Variants in SLC25A24 observed in about 807,000 individuals in gnomAD.
SLC25A24 encodes the protein mitochondrial adenyl nucleotide antiporter SLC25A24.
SLC25A24 carries 49 observed loss-of-function variants against 60.7 expected under a neutral mutation model. The observed-to-expected ratio is 0.81, with a 90% CI of 0.64 to 1.02. The LOEUF (loss-of-function observed/expected upper bound fraction) is 1.02. SLC25A24 is among the 50% of genes least tolerant of loss of function. SLC25A24 has a pLI of 0.00. For synonymous variants in SLC25A24, 202 were observed against 200.6 expected (o/e 1.01, Z -0.06); for missense variants, 564 against 586.3 (o/e 0.96, Z 0.39).
chr1:108,195,543 T>C (rs566480597), intron 1 of SLC25A24, among the ~76,000 whole-genome samples: 1 of 152,310 alleles, frequency 6.6e-6, no homozygotes, highest in South Asian at 2.1e-4. Context: ...AAGATACAGA[T>C]TTTATATATT....
At chr1:108,150,504 T>C (rs1387248815) in intron 6 of SLC25A24, among the ~76,000 whole-genome samples, 3 of 152,186 alleles carry the variant, frequency 2.0e-5, no homozygotes, top group Non-Finnish European at 2.9e-5. Flanking sequence ...AGACTAACCA[T>C]TTTGATCTTC....
intron 8 of SLC25A24, among the ~76,000 whole-genome samples, chr1:108,139,897 C>A (rs1679398727): frequency 6.6e-6 from 1 of 152,100 alleles, no homozygotes; most frequent in South Asian, 2.1e-4. Context: ...TAGGCATGAG[C>A]CACCACACCA....
chr1:108,139,107 C>CT lies in SLC25A24; in HGVS notation c.1199dup (p.Leu401AlafsTer66), dbSNP rs1481095090. 6.2e-7 allele frequency: 1 copy of CT among 1,609,408 alleles called. No individual in the cohort carries two copies. The highest frequency in any genetic ancestry group is 8.5e-7 in the Non-Finnish European group (1 of 1,177,884). On this transcript the variant is annotated frameshift_variant, in exon 9 of 10. Transcript: ENST00000565488. LOFTEE classifies it high-confidence loss of function. Reference sequence around the variant, plus strand: ...CCAAAGCCAATGGGTAGCTGGCCAGCTGACCACAGGTGCTGGATAAGGCAC... The same window carrying CT: ...CCAAAGCCAATGGGTAGCTGGCCAGCTTGACCACAGGTGCTGGATAAGGCAC...
intron 3 of SLC25A24, among the ~76,000 whole-genome samples, chr1:108,178,169 C>CAAT (rs1647763630): frequency 6.6e-6 from 1 of 151,346 alleles, no homozygotes; most frequent in African/African-American, 2.4e-5. Context: ...TCAAAAACAA[C>CAAT]AACAACAACA....
intron 4 of SLC25A24, among the ~76,000 whole-genome samples, chr1:108,160,781 C>A (rs1486770476): frequency 6.6e-6 from 1 of 152,218 alleles, no homozygotes; most frequent in Non-Finnish European, 1.5e-5. Context: ...AACCCCGTCT[C>A]CACCAAAAAA....
At position 108,135,292 on chromosome 1, in the gene SLC25A24, A is replaced by G. The variant is rs1679252085; in HGVS notation, c.*1361T>C. On this transcript the variant is annotated 3_prime_UTR_variant, in exon 10 of 10. Transcript: ENST00000565488. Reference sequence around the variant, plus strand: ...TTCTCTTTGGTTCAGAAAATAAAAGAGGTAGGTTCAAATAAAGAAAATGCC... The same window carrying G: ...TTCTCTTTGGTTCAGAAAATAAAAGGGGTAGGTTCAAATAAAGAAAATGCC... The G allele has an allele frequency of 6.6e-6, 1 of 152,600 alleles. No homozygotes were observed. Among genetic ancestry groups the G allele is most frequent in the Non-Finnish European group, 1.5e-5 (1 of 68,008 alleles). The allele number at this position is 152,600 out of a possible 1,614,324, so 9.5% of individuals were successfully genotyped here.
chr1:108,170,671 T>A (rs1186863913), intron 3 of SLC25A24, among the ~76,000 whole-genome samples: 1 of 152,002 alleles, frequency 6.6e-6, no homozygotes, highest in African/African-American at 2.4e-5. Flanking sequence ...TCTATTTTTA[T>A]TAATGTTTTT....
chr1:108,138,353 T>C (rs1337518427), intron 9 of SLC25A24, among the ~76,000 whole-genome samples: 2 of 152,164 alleles, frequency 1.3e-5, no homozygotes, highest in African/African-American at 4.8e-5. Flanking sequence ...GAGCTGTAGA[T>C]GCCCAAGGTG....
chr1:108,154,767 T>C (rs1040389097), intron 6 of SLC25A24, among the ~76,000 whole-genome samples: 2 of 152,166 alleles, frequency 1.3e-5, no homozygotes, highest in African/African-American at 2.4e-5. Flanking sequence ...AAAAACTTTA[T>C]AAATAATATG....
Position 108,161,217 on chromosome 1 carries a change from T to A in SLC25A24, c.475A>T (p.Ile159Phe), listed in dbSNP as rs775501491. The A allele has an allele frequency of 5.0e-6, 8 of 1,593,674 alleles. No homozygotes were observed. The East Asian group carries it at 1.8e-4, about 36-fold the overall frequency. Residue 159 changes from isoleucine to phenylalanine, a missense_variant, in exon 4 of 10, where the codon ATT becomes TTT. Physicochemically the swap from Ile to Phe is conservative, Grantham distance 21 (BLOSUM62 0). Coordinates refer to ENST00000565488, the MANE Select transcript of SLC25A24 (RefSeq NM_013386.5). ...DYFLFNPVTD[I>F]EEIIRFWKHS... is the part of the protein sequence containing the mutation. The stretch of plus-strand genomic sequence containing the variant: ...TTCCAGAAACGGATAATTTCCTCAA[T>A]GTCTGTAACAGGATTAAATAAGAAG...
At position 108,148,284 on chromosome 1, in the gene SLC25A24, T is replaced by G; in HGVS notation, c.925A>C (p.Met309Leu). 6.3e-7 allele frequency: 1 copy of G among 1,576,668 alleles called. No individual in the cohort carries two copies. Among genetic ancestry groups the G allele is most frequent in the Non-Finnish European group, 8.7e-7 (1 of 1,145,846 alleles). Residue 309 changes from methionine to leucine, a missense_variant, in exon 7 of 10, where the codon ATG (methionine) becomes CTG (leucine). Transcript: ENST00000565488. ...GACTTGACAATGGTACTCACCTCCA[T>G]TGGATATATAAAAGTCTGTGCAGTT... is the stretch of plus-strand genomic sequence containing the variant. The part of the protein sequence containing the change: ...GATAQTFIYP[M>L]EVMKTRLAVG...
chr1:108,160,507 G>T (rs1474915242), intron 4 of SLC25A24, among the ~76,000 whole-genome samples: 4 of 151,824 alleles, frequency 2.6e-5, no homozygotes, highest in Non-Finnish European at 4.4e-5. Flanking sequence ...CCCAGACGAT[G>T]GGCGGCCAGG....
intron 8 of SLC25A24, 105 bp from the exon 9 acceptor site, chr1:108,139,313 T>A: frequency 8.3e-7 from 1 of 1,203,288 alleles, no homozygotes; most frequent in Non-Finnish European, 1.1e-6. Context: ...TTCTGCAGGA[T>A]GAGGCCACGC....
chr1:108,169,112 C>A (rs1358006578), intron 3 of SLC25A24, among the ~76,000 whole-genome samples: 1 of 152,172 alleles, frequency 6.6e-6, no homozygotes, highest in Middle Eastern at 3.2e-3. Flanking sequence ...TTTCACGTGA[C>A]AAATCCAAAA....
chr1:108,199,808 A>C (rs1648603128), intron 1 of SLC25A24, 148 bp downstream of exon 1: 4 of 645,354 alleles, frequency 6.2e-6, no homozygotes. Context: ...CCCACGCCCG[A>C]GTTTCTGAAG....
chr1:108,160,201 G>T (rs1269958800), intron 4 of SLC25A24, among the ~76,000 whole-genome samples: 18 of 151,880 alleles, frequency 1.2e-4, no homozygotes, highest in Admixed American at 1.1e-3. Context: ...CTTCTCAGAC[G>T]GGGCGGCCGA....
At chr1:108,150,716 T>A (rs1456705526) in intron 6 of SLC25A24, among the ~76,000 whole-genome samples, 1 of 152,164 alleles carries the variant, frequency 6.6e-6, no homozygotes, top group East Asian at 1.9e-4. Flanking sequence ...AATCAAAGAC[T>A]AATCCTTTTA....
chr1:108,147,001 C>G (rs1293782119), intron 7 of SLC25A24, among the ~76,000 whole-genome samples: 1 of 152,184 alleles, frequency 6.6e-6, no homozygotes, highest in Non-Finnish European at 1.5e-5. Context: ...ATCAGCTCCT[C>G]TTTGTACCTC....
chr1:108,162,804 T>A (rs1393648668), intron 3 of SLC25A24, among the ~76,000 whole-genome samples: 1 of 150,742 alleles, frequency 6.6e-6, no homozygotes, highest in African/African-American at 2.4e-5. Context: ...TTTAATTAGA[T>A]CCCATTTGTC....
Sources: allele counts gnomAD v4.1 joint callset (sites outside exome capture counted in the v4.1 genomes callset), GRCh38; gene constraint gnomAD v4.1.1; transcripts MANE v1.5; gene names NCBI Gene and HGNC (gene_info 2026-07-23, HGNC 2026-07-21).